Variants in COCH observed in about 807,000 individuals in gnomAD.
COCH encodes coagulation factor C homolog, cochlin (Limulus polyphemus).
COCH carries 40 observed loss-of-function variants against 54.8 expected under a neutral mutation model. The observed-to-expected ratio is 0.73, with a 90% CI of 0.57 to 0.95. The LOEUF is 0.95. Among genes scored for constraint, COCH ranks in the 40% least tolerant of loss-of-function variants. The pLI, the probability that COCH is intolerant of heterozygous loss-of-function variation, is 0.00. For missense variants in COCH, 605 were observed against 675.0 expected, an observed-to-expected ratio of 0.90 and a Z score of 1.15; for synonymous variants, 256 against 237.9, an observed-to-expected ratio of 1.08 and a Z score of -0.70.
chr14:30,884,977 G>T, intron 9 of COCH: 1 of 1,598,386 alleles, frequency 6.3e-7, no homozygotes, highest in Non-Finnish European at 8.5e-7. Context: ...CTTATCTAAT[G>T]AATGCAGATG....
downstream of COCH, among the ~76,000 whole-genome samples, chr14:30,892,558 C>T (rs559239044): frequency 1.5e-4 from 23 of 152,248 alleles, no homozygotes; most frequent in African/African-American, 5.3e-4. Context: ...CCAGCCAGCA[C>T]TTTGGGAGGC....
chr14:30,877,384 T>C lies in COCH; in HGVS notation c.83-188T>C. The C allele has an allele frequency of 1.5e-6, 1 of 661,466 alleles. No individual in the cohort carries two copies. The highest frequency in any genetic ancestry group is 2.8e-5 in the Admixed American group (1 of 35,844). 41.0% of individuals were successfully genotyped at this position (661,466 alleles called of 1,614,324 possible). On this transcript the variant is annotated intron_variant, in intron 3 of 11. Coordinates refer to ENST00000396618, the MANE Select transcript of COCH (RefSeq NM_004086.3). This position sits in a 1 kb window ranked among gnomAD's most constrained non-coding sequence, Gnocchi z 8.6. ...AGTTTTATAGTGGCTGGGGACTATA[T>C]TAAATTGGAAAACAACCTTGTGGCT...
chr14:30,875,517 G>A, intron 3 of COCH: 1 of 498,758 alleles, frequency 2.0e-6, no homozygotes, highest in Non-Finnish European at 3.5e-6. Flanking sequence ...CCGACTTCAG[G>A]TTGCCGTAGC....
chr14:30,881,824 CGTGGT>C (rs1895599902), intron 8 of COCH, among the ~76,000 whole-genome samples: 1 of 150,974 alleles, frequency 6.6e-6, no homozygotes, highest in Non-Finnish European at 1.5e-5. Flanking sequence ...ATTAGCCGGG[CGTGGT>C]GGCAGGCGCC....
Position 30,890,058 on chromosome 14 carries a change from T to TA in COCH, c.*269dup. ...GAGGAGATAATGTGGATTAAAACCT[T>TA]AAGAGTTCTAACCATGCCTACTAAA... On this transcript the variant is annotated 3_prime_UTR_variant, in exon 12 of 12. Transcript: ENST00000396618. 1 of 1,147,098 alleles carries TA rather than the reference T, an allele frequency of 8.7e-7. No homozygotes were observed. Among genetic ancestry groups the TA allele is most frequent in the Non-Finnish European group, 1.1e-6 (1 of 929,484 alleles). The allele number at this position is 1,147,098 out of a possible 1,614,324, so 71.1% of individuals were successfully genotyped here.
downstream of COCH, among the ~76,000 whole-genome samples, chr14:30,892,508 A>T (rs1896007327): frequency 4.6e-5 from 7 of 152,052 alleles, no homozygotes; most frequent in Admixed American, 3.3e-4. Context: ...AATGGTATTT[A>T]AAAAAAACTT....
Position 30,889,816 on chromosome 14 carries a change from A to G in COCH, c.*25A>G. The stretch of plus-strand genomic sequence containing the variant: ...ATGGTAACATTTTGACAACTGAAAG[A>G]AAAAGTACAAGGGGATCCAGTGTGT... On this transcript the variant is annotated 3_prime_UTR_variant, in exon 12 of 12. Coordinates refer to ENST00000396618, the MANE Select transcript of COCH (RefSeq NM_004086.3). 1 of 1,606,494 alleles carries G rather than the reference A, an allele frequency of 6.2e-7. No individual in the cohort carries two copies.
chr14:30,887,853 C>G lies in COCH; in HGVS notation c.1477+1541C>G, dbSNP rs141244504. The stretch of plus-strand genomic sequence containing the variant: ...GTATTTTTTATACATCAGCAACTAG[C>G]CTGTGAAGTAAAGACCTGTTTACTA... On this transcript the variant is annotated intron_variant, in intron 11 of 11. Transcript: ENST00000396618. Among the ~76,000 whole-genome samples the G allele has an allele frequency of 1.5e-3, 223 of 152,268 alleles. 2 individuals carry two copies. The East Asian group carries it at 0.016, about 11-fold the overall frequency.
chr14:30,885,683 C>T (rs899301058), intron 10 of COCH, 63 bp downstream of exon 10: 1 of 1,466,754 alleles, frequency 6.8e-7, no homozygotes, highest in African/African-American at 1.4e-5. Flanking sequence ...CCTCTAAGTG[C>T]AGTGCTGACT....
chr14:30,892,877 G>A (rs1046203591), downstream of COCH, among the ~76,000 whole-genome samples: 2 of 151,312 alleles, frequency 1.3e-5, no homozygotes, highest in African/African-American at 4.9e-5. Context: ...TTGCCACTTA[G>A]ATTTTTATGG....
At chr14:30,885,118 C>A in intron 9 of COCH, 2 of 1,537,040 alleles carry the variant, frequency 1.3e-6, no homozygotes, top group Non-Finnish European at 1.7e-6. Flanking sequence ...TTCTAACTGG[C>A]GATTGATGTG....
In COCH at chr14:30,874,915, G is replaced by A. The variant is rs565782596; in HGVS notation, c.-23-1G>A. 1.2e-6 allele frequency: 2 copies of A among 1,613,334 alleles called. No individual in the cohort carries two copies. The highest frequency in any genetic ancestry group is 1.7e-6 in the Non-Finnish European group (2 of 1,179,808). ...TTGCCCGCATTCTCCCTCTCTCCCA[G>A]GTGTGAGCAGCCTATCAGTCACCAT... On this transcript the variant is annotated splice_acceptor_variant, in intron 1 of 11. Transcript: ENST00000396618. LOFTEE classifies it low-confidence loss of function (5UTR_SPLICE).
intron 8 of COCH, among the ~76,000 whole-genome samples, chr14:30,880,977 C>A (rs940215238): frequency 6.6e-6 from 1 of 151,838 alleles, no homozygotes; most frequent in Non-Finnish European, 1.5e-5. Context: ...ACTTTGGAGG[C>A]CAAGTGGGTG....
At chr14:30,890,710 GTAA>G (rs1020694406), downstream of COCH, 2 of 345,154 alleles carry the variant, frequency 5.8e-6, no homozygotes, top group Non-Finnish European at 8.2e-6. Context: ...TTTAAATCAT[GTAA>G]TAATACCAAG....
chr14:30,874,893 C>A (rs1023389279), intron 1 of COCH, 23 bp from the exon 2 acceptor site: 1 of 1,610,668 alleles, frequency 6.2e-7, no homozygotes, highest in East Asian at 2.2e-5. Flanking sequence ...CCTGGCCTTG[C>A]CCGCATTCTC....
At position 30,877,899 on chromosome 14, in the gene COCH, A is replaced by G. The variant is rs1336510892; in HGVS notation, c.239+171A>G. On this transcript the variant is annotated intron_variant, in intron 4 of 11. Transcript: ENST00000396618. The surrounding 1 kb of genome is among the most constrained non-coding windows in gnomAD (Gnocchi z 8.6). The stretch of plus-strand genomic sequence containing the variant: ...CCTGGATATACTTGAAACACCAAAT[A>G]CACATGGAAAGCTTTCTGACAAAAG... 6.6e-6 allele frequency among the ~76,000 whole-genome samples: 1 copy of G among 152,198 alleles called. No homozygotes were observed. Among genetic ancestry groups the G allele is most frequent in the African/African-American group, 2.4e-5 (1 of 41,450 alleles).
intron 3 of COCH, chr14:30,875,725 C>T (rs1895335976): frequency 6.1e-6 from 1 of 164,182 alleles, no homozygotes; most frequent in Non-Finnish European, 1.3e-5. Context: ...GCAACGCTTT[C>T]CTAAGAGCTA....
chr14:30,890,187 GA>G lies in COCH; in HGVS notation c.*400del. 1.0e-6 allele frequency: 1 copy of G among 990,480 alleles called. No homozygotes were observed. Among genetic ancestry groups the G allele is most frequent in the Non-Finnish European group, 1.2e-6 (1 of 832,826 alleles). 61.4% of individuals were successfully genotyped at this position (990,480 alleles called of 1,614,324 possible). ...TCTGTATTGATTATATAAGCAAAAT[GA>G]AAAGAGAAACTTAAATGAACACAGC... On this transcript the variant is annotated 3_prime_UTR_variant, in exon 12 of 12. Transcript: ENST00000396618.
chr14:30,880,339 TA>T (rs1280416474), intron 6 of COCH, 112 bp from the exon 7 acceptor site: 1 of 1,495,278 alleles, frequency 6.7e-7, no homozygotes, highest in East Asian at 2.5e-5. Context: ...TTAATTTTTT[TA>T]AAAAAGTCCT....
Sources: allele counts gnomAD v4.1 joint callset (sites outside exome capture counted in the v4.1 genomes callset), GRCh38; gene constraint gnomAD v4.1.1; non-coding constraint Gnocchi (gnomAD v3.1); transcripts MANE v1.5; gene names NCBI Gene and HGNC (gene_info 2026-07-23, HGNC 2026-07-21).